Variants in IQSEC1 observed in about 807,000 individuals in gnomAD.
IQSEC1 encodes IQ motif and Sec7 domain ArfGEF 1.
IQSEC1 carries 31 observed loss-of-function variants against 91.0 expected under a neutral mutation model. The ratio of observed to expected loss-of-function variants is 0.34; its 90% CI spans 0.26 to 0.46. The LOEUF is 0.46. Among genes scored for constraint, IQSEC1 ranks in the 20% least tolerant of loss-of-function variants. IQSEC1 has a pLI of 1.00. For missense variants in IQSEC1, 1,388 were observed against 1,575.6 expected (o/e 0.88, Z 2.02); for synonymous variants, 699 against 662.6 (o/e 1.05, Z -0.84).
intron 1 of IQSEC1, among the ~76,000 whole-genome samples, chr3:13,055,011 C>T (rs1704823766): frequency 6.6e-6 from 1 of 152,258 alleles, no homozygotes; most frequent in South Asian, 2.1e-4. Flanking sequence ...CCCAGGCCTC[C>T]CAAGCCCTCA....
chr3:13,263,433 G>C (rs1011605748), intron 1 of IQSEC1, among the ~76,000 whole-genome samples: 1 of 133,704 alleles, frequency 7.5e-6, no homozygotes, highest in South Asian at 2.7e-4. Context: ...TTTTTGGGGG[G>C]GGGGGGAAAG....
At chr3:13,081,086 C>T (rs1049528013) in intron 2 of IQSEC1, among the ~76,000 whole-genome samples, 1 of 152,136 alleles carries the variant, frequency 6.6e-6, no homozygotes, top group African/African-American at 2.4e-5. Context: ...TTGGGAATAA[C>T]CTTGATGACT....
At chr3:12,902,930 G>C (rs902776180) in intron 12 of IQSEC1, 108 bp from the exon 13 acceptor site, 22 of 856,684 alleles carry the variant, frequency 2.6e-5, no homozygotes, top group Admixed American at 2.5e-4. Flanking sequence ...GCTGGGAGCA[G>C]GCACAGGTGC....
At chr3:12,904,761 G>GGA (rs1694788452) in intron 12 of IQSEC1, among the ~76,000 whole-genome samples, 1 of 152,188 alleles carries the variant, frequency 6.6e-6, no homozygotes, top group Non-Finnish European at 1.5e-5. Flanking sequence ...GGGCCAGAGG[G>GGA]GAGATGGCCT....
chr3:13,215,541 G>A (rs1559279019), intron 1 of IQSEC1, among the ~76,000 whole-genome samples: 1 of 152,212 alleles, frequency 6.6e-6, no homozygotes. Flanking sequence ...AGAGCTCTCT[G>A]CACATTTGAG....
chr3:13,238,254 C>T (rs1213687438), intron 1 of IQSEC1, among the ~76,000 whole-genome samples: 2 of 152,208 alleles, frequency 1.3e-5, no homozygotes, highest in East Asian at 1.9e-4. Context: ...AGGACCCTGT[C>T]ACTCCTCCAC....
At chr3:12,963,184 A>C (rs1002772125) in intron 1 of IQSEC1, among the ~76,000 whole-genome samples, 8 of 152,270 alleles carry the variant, frequency 5.3e-5, no homozygotes, top group Non-Finnish European at 1.0e-4. Context: ...TCATCTTTAG[A>C]AACAGGGAGG....
intron 1 of IQSEC1, among the ~76,000 whole-genome samples, chr3:13,261,667 G>C (rs1357933586): frequency 1.3e-5 from 2 of 152,050 alleles, no homozygotes; most frequent in Non-Finnish European, 2.9e-5. Flanking sequence ...TCCCAGGGCA[G>C]AGCCAGGGAT....
chr3:13,029,249 T>TG (rs1491070174), intron 1 of IQSEC1, among the ~76,000 whole-genome samples: 4 of 152,218 alleles, frequency 2.6e-5, no homozygotes, highest in African/African-American at 9.7e-5. Context: ...CACTGCTCTA[T>TG]GTGTGACTAA....
At chr3:13,021,384 G>A (rs987467595) in intron 1 of IQSEC1, among the ~76,000 whole-genome samples, 1 of 152,200 alleles carries the variant, frequency 6.6e-6, no homozygotes. Context: ...TGTCCAGCTG[G>A]GGAGAAAGCT....
Position 13,193,974 on chromosome 3 carries a change from G to A in IQSEC1, c.273-29841C>T, listed in dbSNP as rs1050485442. 2.0e-5 allele frequency among the ~76,000 whole-genome samples: 3 copies of A among 152,208 alleles called. No homozygotes were observed. Among genetic ancestry groups the A allele is most frequent in the African/African-American group, 7.2e-5 (3 of 41,440 alleles). ...AAGCAAGGCTTTGGTTGGCAAGGGT[G>A]GTTTCTCTGGCAGCCTCTCTCCCTC... is the stretch of plus-strand genomic sequence containing the variant. On this transcript the variant is annotated intron_variant, in intron 1 of 15. Transcript: ENST00000648114. The surrounding 1 kb of genome is among the most constrained non-coding windows in gnomAD (Gnocchi z 4.2).
intron 1 of IQSEC1, among the ~76,000 whole-genome samples, chr3:13,020,486 G>A (rs909696535): frequency 7.2e-5 from 11 of 152,212 alleles, no homozygotes; most frequent in Non-Finnish European, 1.6e-4. Context: ...TGTAATTATG[G>A]TTTCTTATTA....
At chr3:13,100,876 G>A (rs1257103003) in intron 2 of IQSEC1, among the ~76,000 whole-genome samples, 7 of 148,842 alleles carry the variant, frequency 4.7e-5, no homozygotes, top group Non-Finnish European at 7.4e-5. Flanking sequence ...TGCTTTGAAA[G>A]GCCACTCAGC....
chr3:13,245,420 G>T (rs1285057476), intron 1 of IQSEC1, among the ~76,000 whole-genome samples: 1 of 152,020 alleles, frequency 6.6e-6, no homozygotes, highest in Non-Finnish European at 1.5e-5. Flanking sequence ...TCAAGGGGTG[G>T]AAAAAAGGGC....
At chr3:13,247,247 A>C (rs539879834) in intron 1 of IQSEC1, among the ~76,000 whole-genome samples, 147 of 152,274 alleles carry the variant, frequency 9.7e-4, no homozygotes, top group Middle Eastern at 3.4e-3. Context: ...GGCTTTGGAC[A>C]GGTCCCCACC....
chr3:13,236,121 C>T (rs1694924202), intron 1 of IQSEC1, among the ~76,000 whole-genome samples: 1 of 152,086 alleles, frequency 6.6e-6, no homozygotes, highest in East Asian at 1.9e-4. Context: ...ATCTCTGTTC[C>T]CTTTGTTCCC....
intron 1 of IQSEC1, among the ~76,000 whole-genome samples, chr3:13,067,643 T>A (rs951288402): frequency 6.6e-6 from 1 of 152,104 alleles, no homozygotes; most frequent in Non-Finnish European, 1.5e-5. Flanking sequence ...CCCTTCCTCA[T>A]CCCATCTCTG....
In IQSEC1 at chr3:12,900,939, G is replaced by A. The variant is rs1694195404; in HGVS notation, c.*44C>T. ...GCGACCCCCGGGCGTGCCCTGTGTGGTGTGCAGGTGTTTCAGGGAGCCTGG... is the reference window on the plus strand; with the variant it reads ...GCGACCCCCGGGCGTGCCCTGTGTGATGTGCAGGTGTTTCAGGGAGCCTGG... On this transcript the variant is annotated 3_prime_UTR_variant, in exon 14 of 14. Transcript: ENST00000613206. The A allele has an allele frequency of 6.5e-7, 1 of 1,539,220 alleles. No homozygotes were observed.
intron 2 of IQSEC1, among the ~76,000 whole-genome samples, chr3:13,094,813 C>T (rs1193847924): frequency 6.6e-6 from 1 of 152,208 alleles, no homozygotes; most frequent in Non-Finnish European, 1.5e-5. Context: ...CCTGACCCTT[C>T]TGGGCCTCCA....
Sources: gnomAD v4.1 joint callset for allele counts (sites outside exome capture counted in the v4.1 genomes callset) on GRCh38, gnomAD v4.1.1 for gene constraint, Gnocchi (gnomAD v3.1) non-coding constraint, MANE v1.5 for transcripts, NCBI Gene and HGNC (gene_info 2026-07-23, HGNC 2026-07-21) for gene names.